The following CDK14 variants were observed in gnomAD, a reference collection of about 807,000 sequenced individuals.
CDK14 encodes cyclin dependent kinase 14, also known as cyclin-dependent kinase 14.
In CDK14, 34 loss-of-function variants were observed where a neutral mutation model predicts 60.7. The ratio of observed to expected loss-of-function variants is 0.56; its 90% CI spans 0.43 to 0.75. The LOEUF (loss-of-function observed/expected upper bound fraction) is 0.75, where lower values mean the gene tolerates loss of function less well. Ranked by LOEUF, CDK14 falls within the 30% of genes least tolerant of loss-of-function variation. CDK14 has a pLI of 0.00. For synonymous variants in CDK14, 197 were observed against 203.7 expected (o/e 0.97, Z 0.28); for missense variants, 482 against 564.1 (o/e 0.85, Z 1.47).
At chr7:90,637,649 GT>G (rs1282013121) in intron 2 of CDK14, among the ~76,000 whole-genome samples, 1 of 151,512 alleles carries the variant, frequency 6.6e-6, no homozygotes, top group African/African-American at 2.4e-5. Context: ...TGTCTATTAG[GT>G]CCACTTGGTG....
chr7:90,801,374 A>T (rs1445609173), intron 5 of CDK14, among the ~76,000 whole-genome samples: 1 of 151,926 alleles, frequency 6.6e-6, no homozygotes, highest in Admixed American at 6.6e-5. Flanking sequence ...ATTGTTATTC[A>T]TTTATTTTTG....
chr7:91,084,883 CA>C (rs1179544878), intron 12 of CDK14, among the ~76,000 whole-genome samples: 9 of 152,194 alleles, frequency 5.9e-5, no homozygotes, highest in Non-Finnish European at 8.8e-5. Flanking sequence ...CCATCCAGCT[CA>C]TTAAGGAATA....
At position 90,985,955 on chromosome 7, in the gene CDK14, A is replaced by G. The variant is rs142813952; in HGVS notation, c.1041+1714A>G. On this transcript the variant is annotated intron_variant, in intron 10 of 14. Coordinates refer to ENST00000380050, the MANE Select transcript of CDK14 (RefSeq NM_001287135.2). ...TGTATTTTTATAATGGAAAATTCCT[A>G]CAGTGTCAAAATGAAAAAAAGCTGA... 2.8e-4 allele frequency among the ~76,000 whole-genome samples: 43 copies of G among 152,194 alleles called. No homozygotes were observed. In the East Asian group the frequency reaches 7.1e-3, roughly 25 times the overall value.
intron 6 of CDK14, among the ~76,000 whole-genome samples, chr7:90,881,453 A>G (rs536903655): frequency 9.2e-5 from 14 of 152,336 alleles, no homozygotes; most frequent in Admixed American, 5.9e-4. Context: ...GACCAAACCT[A>G]TAATTGATCG....
At chr7:90,823,639 A>G (rs1232358986) in intron 5 of CDK14, among the ~76,000 whole-genome samples, 1 of 152,120 alleles carries the variant, frequency 6.6e-6, no homozygotes. Context: ...AATCAACCAA[A>G]CCTAGTCTTC....
chr7:90,714,541 A>G (rs897836971), intron 2 of CDK14, among the ~76,000 whole-genome samples: 1 of 152,100 alleles, frequency 6.6e-6, no homozygotes, highest in African/African-American at 2.4e-5. Context: ...TTTATAATAG[A>G]TGAATCAATT....
chr7:91,168,245 T>C (rs1801408915), intron 14 of CDK14, among the ~76,000 whole-genome samples: 1 of 137,256 alleles, frequency 7.3e-6, no homozygotes, highest in Non-Finnish European at 1.5e-5. Context: ...CTGGCGACAG[T>C]GTGAGACTCT....
intron 10 of CDK14, among the ~76,000 whole-genome samples, chr7:91,039,791 C>A (rs1797038264): frequency 6.6e-6 from 1 of 152,094 alleles, no homozygotes; most frequent in Non-Finnish European, 1.5e-5. Context: ...GTACCCTCCT[C>A]TTAAAAAATT....
At chr7:90,773,391 A>G (rs1003130384) in intron 4 of CDK14, among the ~76,000 whole-genome samples, 13 of 152,236 alleles carry the variant, frequency 8.5e-5, no homozygotes, top group African/African-American at 3.1e-4. Flanking sequence ...TAAAGTGAAG[A>G]CAGTGGTAGT....
At chr7:90,635,286 A>G (rs1374974262) in intron 2 of CDK14, among the ~76,000 whole-genome samples, 1 of 152,218 alleles carries the variant, frequency 6.6e-6, no homozygotes, top group Non-Finnish European at 1.5e-5. Context: ...GTAAGTCTTT[A>G]ATCCATCTTG....
intron 4 of CDK14, among the ~76,000 whole-genome samples, chr7:90,774,083 T>C (rs1804914751): frequency 6.6e-6 from 1 of 151,894 alleles, no homozygotes; most frequent in Admixed American, 6.6e-5. Context: ...TTTGTATTTT[T>C]AGTAGAGATG....
chr7:90,905,419 G>C (rs765854563), intron 7 of CDK14, among the ~76,000 whole-genome samples: 8 of 152,156 alleles, frequency 5.3e-5, no homozygotes, highest in Non-Finnish European at 1.2e-4. Context: ...ACAAATTTTT[G>C]TGCAGGGGAA....
intron 5 of CDK14, among the ~76,000 whole-genome samples, chr7:90,835,614 A>G (rs1562791990): frequency 1.3e-5 from 2 of 152,164 alleles, no homozygotes; most frequent in East Asian, 1.9e-4. Flanking sequence ...AATTACTTCT[A>G]TTACTTCTTG....
At chr7:90,735,311 T>A (rs1414860957) in intron 3 of CDK14, among the ~76,000 whole-genome samples, 1 of 152,158 alleles carries the variant, frequency 6.6e-6, no homozygotes, top group Non-Finnish European at 1.5e-5. Flanking sequence ...GAGGAGGCAG[T>A]CTGTCCCTTA....
intron 2 of CDK14, among the ~76,000 whole-genome samples, chr7:90,644,166 A>G (rs1350219770): frequency 2.6e-5 from 4 of 152,214 alleles, no homozygotes; most frequent in Non-Finnish European, 5.9e-5. Flanking sequence ...CTGACCAGGA[A>G]CCAAACCCTG....
intron 10 of CDK14, among the ~76,000 whole-genome samples, chr7:90,993,537 G>A (rs570171377): frequency 5.9e-4 from 88 of 149,172 alleles, no homozygotes; most frequent in African/African-American, 2.1e-3. Context: ...AGGAAGGAGG[G>A]GGACATTTCA....
intron 2 of CDK14, among the ~76,000 whole-genome samples, chr7:90,691,478 G>T (rs1419159027): frequency 1.3e-5 from 2 of 152,094 alleles, no homozygotes; most frequent in East Asian, 3.9e-4. Context: ...TGGCAAGGAG[G>T]CTGTTGTGGA....
intron 2 of CDK14, among the ~76,000 whole-genome samples, chr7:90,640,889 T>A (rs1563026488): frequency 2.0e-5 from 3 of 152,126 alleles, no homozygotes; most frequent in Admixed American, 2.0e-4. Flanking sequence ...AAAGAACTCT[T>A]ACAACTCAAT....
chr7:90,665,506 G>A (rs894464332), intron 2 of CDK14, among the ~76,000 whole-genome samples: 1 of 152,144 alleles, frequency 6.6e-6, no homozygotes, highest in Non-Finnish European at 1.5e-5. Context: ...CAGTAAGGCT[G>A]TGAGGGTACA....
Sources: gnomAD v4.1 joint callset for allele counts (sites outside exome capture counted in the v4.1 genomes callset) on GRCh38, gnomAD v4.1.1 for gene constraint, MANE v1.5 for transcripts, NCBI Gene and HGNC (gene_info 2026-07-23, HGNC 2026-07-21) for gene names.